Variants in AFDN observed in about 807,000 individuals in gnomAD.
The protein encoded by AFDN is afadin, adherens junction formation factor, also known as afadin.
AFDN carries 68 observed loss-of-function variants against 216.6 expected under a neutral mutation model. That is an observed-to-expected ratio of 0.31 (90% CI 0.26 to 0.38). The LOEUF is 0.38. Among genes scored for constraint, AFDN ranks in the 10% least tolerant of loss-of-function variants. The pLI, the probability that AFDN is intolerant of heterozygous loss-of-function variation, is 1.00. For synonymous variants in AFDN, 868 were observed against 853.7 expected (o/e 1.02, Z -0.29); for missense variants, 2,136 against 2,342.0 (o/e 0.91, Z 1.82).
intron 22 of AFDN, among the ~76,000 whole-genome samples, chr6:167,923,925 C>T (rs1275976851): frequency 2.6e-5 from 4 of 151,950 alleles, no homozygotes; most frequent in African/African-American, 4.8e-5. Context: ...TCGCCCGGCC[C>T]CTAATACTTT....
At chr6:167,896,434 G>A (rs901464443) in intron 9 of AFDN, among the ~76,000 whole-genome samples, 13 of 152,108 alleles carry the variant, frequency 8.5e-5, no homozygotes, top group South Asian at 6.2e-4. Context: ...AAAAACCTCC[G>A]TCAGTGATTT....
intron 12 of AFDN, among the ~76,000 whole-genome samples, chr6:167,903,367 G>A (rs1789235359): frequency 6.6e-6 from 1 of 152,204 alleles, no homozygotes. Context: ...TCTCTGTGCT[G>A]TCTCACATTC....
chr6:167,950,917 G>A (rs899963302), intron 29 of AFDN, among the ~76,000 whole-genome samples: 83 of 147,460 alleles, frequency 5.6e-4, no homozygotes, highest in Admixed American at 5.2e-3. Flanking sequence ...GGCTGGTCTC[G>A]AACTCCTGGG....
chr6:167,946,690 A>G lies in AFDN; in HGVS notation c.3359-17A>G, dbSNP rs375766087. 3.7e-5 allele frequency: 59 copies of G among 1,610,040 alleles called. No homozygotes were observed. The highest frequency in any genetic ancestry group is 4.9e-5 in the Non-Finnish European group (58 of 1,176,992). ...AAAATAAAATCTTAAGAGATACTGAATATGCTTTGATTCCAGTTTCAGATC... is the reference window on the plus strand; with the variant it reads ...AAAATAAAATCTTAAGAGATACTGAGTATGCTTTGATTCCAGTTTCAGATC... On this transcript the variant is annotated splice_polypyrimidine_tract_variant and intron_variant, in intron 26 of 33. Coordinates refer to ENST00000683244, the MANE Select transcript of AFDN (RefSeq NM_001386888.1).
chr6:167,923,440 A>T (rs1174811819), intron 22 of AFDN, among the ~76,000 whole-genome samples: 3 of 152,152 alleles, frequency 2.0e-5, no homozygotes, highest in African/African-American at 7.2e-5. Context: ...TCATATAGAC[A>T]GTTTTAAACA....
rs1234700901 is a variant in AFDN at position 167,964,581 on chromosome 6, C to T, written c.4969-1176C>T. 5 of 1,064,694 alleles carry T rather than the reference C, an allele frequency of 4.7e-6. No homozygotes were observed. In the South Asian group the frequency reaches 1.8e-4, roughly 39 times the overall value. The allele number at this position is 1,064,694 out of a possible 1,614,324, so 66.0% of individuals were successfully genotyped here. A position where few individuals can be genotyped will look rare whatever the true frequency, so the allele number is the denominator to read the frequency against. On this transcript the variant is annotated intron_variant, in intron 31 of 33. Coordinates refer to ENST00000683244, the MANE Select transcript of AFDN (RefSeq NM_001386888.1). ...ATTTATTCTTAAGAGTTTTCTCCCT[C>T]AAAAGGTGAAGGAGTGACATTGCGT...
At chr6:167,834,642 T>TA (rs780916709) in intron 1 of AFDN, among the ~76,000 whole-genome samples, 2 of 152,010 alleles carry the variant, frequency 1.3e-5, no homozygotes, top group Non-Finnish European at 2.9e-5. Flanking sequence ...AGTTTGAACT[T>TA]ACTTTATTTT....
chr6:167,836,153 T>A (rs1387018243), intron 1 of AFDN, among the ~76,000 whole-genome samples: 1 of 152,248 alleles, frequency 6.6e-6, no homozygotes, highest in Non-Finnish European at 1.5e-5. Context: ...CATCAAGTTT[T>A]ATTACTTGAA....
intron 22 of AFDN, 160 bp from the exon 23 acceptor site, chr6:167,924,845 G>A: frequency 1.4e-6 from 1 of 696,936 alleles, no homozygotes; most frequent in East Asian, 2.7e-5. Flanking sequence ...TACCTGAAGA[G>A]TATCTATATT....
Position 167,951,069 on chromosome 6 carries a change from GTC to G in AFDN, c.3832-113_3832-112del, listed in dbSNP as rs1440346580. The G allele has an allele frequency of 4.3e-6, 6 of 1,402,512 alleles. No homozygotes were observed. The highest frequency in any genetic ancestry group is 5.6e-6 in the Non-Finnish European group (6 of 1,072,158). 86.9% of individuals were successfully genotyped at this position (1,402,512 alleles called of 1,614,324 possible). On this transcript the variant is annotated intron_variant, in intron 29 of 33. Transcript: ENST00000683244. The surrounding 1 kb of genome is among the most constrained non-coding windows in gnomAD (Gnocchi z 7.1). ...CAATGAGCCTTGTAGGGCAGTCTCA[GTC>G]TCTTTCTGTACACTGATTTAACAGT...
intron 1 of AFDN, among the ~76,000 whole-genome samples, chr6:167,849,681 A>G (rs779572583): frequency 8.1e-4 from 124 of 152,334 alleles, no homozygotes; most frequent in Admixed American, 1.6e-3. Flanking sequence ...ATATTTATTT[A>G]ACAGTATAGA....
Position 167,911,292 on chromosome 6 carries a change from T to A in AFDN, c.1840T>A (p.Ser614Thr). Residue 614 changes from serine (S) to threonine (T), a missense_variant, in exon 15 of 34, where the codon TCA becomes ACA. Ser to Thr is a moderately conservative substitution (Grantham distance 58). This residue lies in a region of AFDN where 817 missense variants were observed against 965.7 expected (regional missense o/e 0.85). Transcript: ENST00000683244. ...SIEFRESSED[S>T]FLSAIINYTN... ...TTGAAATCTTTCCACAGCTGAAGATTCATTTTTGTCTGCCATTATAAATTA... is the reference window on the plus strand; with the variant it reads ...TTGAAATCTTTCCACAGCTGAAGATACATTTTTGTCTGCCATTATAAATTA... 1.9e-6 allele frequency: 3 copies of A among 1,613,760 alleles called. No individual in the cohort carries two copies. The East Asian group carries it at 6.7e-5, about 36-fold the overall frequency.
intron 10 of AFDN, among the ~76,000 whole-genome samples, chr6:167,897,588 G>A (rs924616920): frequency 7.1e-6 from 1 of 141,302 alleles, no homozygotes; most frequent in Non-Finnish European, 1.5e-5. Context: ...CTAATGATCT[G>A]TTTAGATTTG....
At chr6:167,864,434 T>G in intron 1 of AFDN, 117 bp from the exon 2 acceptor site, 1 of 959,370 alleles carries the variant, frequency 1.0e-6, no homozygotes, top group Non-Finnish European at 1.7e-6. Context: ...TAGTCTCAGA[T>G]GTTTATGATG....
chr6:167,938,135 A>G (rs551063912), intron 23 of AFDN, among the ~76,000 whole-genome samples: 3 of 152,292 alleles, frequency 2.0e-5, no homozygotes, highest in African/African-American at 7.2e-5. Context: ...CTTCCCTGAC[A>G]CTGGGAAGGT....
chr6:167,906,454 G>T (rs922411467), intron 12 of AFDN, among the ~76,000 whole-genome samples: 1 of 152,092 alleles, frequency 6.6e-6, no homozygotes, highest in African/African-American at 2.4e-5. Context: ...TACTACTTGT[G>T]CCCAGTTTCT....
chr6:167,920,743 T>C (rs1337571764), intron 21 of AFDN, among the ~76,000 whole-genome samples: 8 of 152,240 alleles, frequency 5.3e-5, no homozygotes, highest in Non-Finnish European at 8.8e-5. Flanking sequence ...CATATTGAAC[T>C]GTATATTATT....
At chr6:167,969,618 T>C (rs1398933972) in intron 33 of AFDN, among the ~76,000 whole-genome samples, 164 bp from the exon 34 acceptor site, 1 of 152,162 alleles carries the variant, frequency 6.6e-6, no homozygotes, top group Non-Finnish European at 1.5e-5. Flanking sequence ...TTTTTCTAGA[T>C]GGGTTTAAAT....
chr6:167,889,719 A>G (rs1787329884), intron 7 of AFDN, among the ~76,000 whole-genome samples: 1 of 152,218 alleles, frequency 6.6e-6, no homozygotes, highest in Non-Finnish European at 1.5e-5. Context: ...CCCTAAGACC[A>G]CACTCAGCTT....
Sources: gnomAD v4.1 joint callset for allele counts (sites outside exome capture counted in the v4.1 genomes callset) on GRCh38, gnomAD v4.1.1 for gene constraint, gnomAD v4.1.1 regional missense constraint, Gnocchi (gnomAD v3.1) non-coding constraint, MANE v1.5 for transcripts, NCBI Gene and HGNC (gene_info 2026-07-23, HGNC 2026-07-21) for gene names.